Variants in ACAP2 observed in about 807,000 individuals in gnomAD.
The protein encoded by ACAP2 is ArfGAP with coiled-coil, ankyrin repeat and PH domains 2.
A neutral mutation model predicts 115.8 loss-of-function variants in ACAP2; 39 were observed. The ratio of observed to expected loss-of-function variants is 0.34; its 90% CI spans 0.26 to 0.44. The LOEUF (loss-of-function observed/expected upper bound fraction) is 0.44, where lower values mean the gene tolerates loss of function less well. ACAP2 is among the 20% of genes least tolerant of loss of function. The pLI is 1.00. For synonymous variants in ACAP2, 289 were observed against 315.8 expected (o/e 0.92, Z 0.90); for missense variants, 662 against 927.6 (o/e 0.71, Z 3.72).
At chr3:195,363,258 T>G (rs898608494) in intron 4 of ACAP2, among the ~76,000 whole-genome samples, 1 of 152,118 alleles carries the variant, frequency 6.6e-6, no homozygotes, top group African/African-American at 2.4e-5. Context: ...TCTCCACAAT[T>G]AAAACTATAA....
intron 22 of ACAP2, among the ~76,000 whole-genome samples, chr3:195,281,349 G>A (rs1236957067): frequency 1.3e-5 from 2 of 151,996 alleles, no homozygotes; most frequent in African/African-American, 4.8e-5. Context: ...AGCTTGCAGT[G>A]AGCCAAGATC....
chr3:195,290,834 AAATAAATAAATAAAT>A (rs1171769676), intron 20 of ACAP2, among the ~76,000 whole-genome samples: 2,478 of 133,736 alleles, frequency 0.019, 66 homozygotes, highest in African/African-American at 0.065. Flanking sequence ...ATAAATAAAT[AAATAAATAAATAAAT>A]AATAAATAAA....
chr3:195,399,986 C>T (rs1484522756), intron 1 of ACAP2, among the ~76,000 whole-genome samples: 1 of 151,876 alleles, frequency 6.6e-6, no homozygotes, highest in African/African-American at 2.4e-5. Flanking sequence ...CGAGAGCAGC[C>T]TGACCAACAT....
intron 8 of ACAP2, among the ~76,000 whole-genome samples, chr3:195,328,483 C>G (rs1308942162): frequency 6.6e-6 from 1 of 152,086 alleles, no homozygotes; most frequent in Non-Finnish European, 1.5e-5. Context: ...CAGGTGGCAA[C>G]TATGCTACTC....
chr3:195,365,336 T>C (rs1373181024), intron 4 of ACAP2, among the ~76,000 whole-genome samples: 1 of 152,212 alleles, frequency 6.6e-6, no homozygotes, highest in Non-Finnish European at 1.5e-5. Flanking sequence ...CCATTTACTC[T>C]GATTATTACA....
chr3:195,391,237 T>C (rs940571884), intron 2 of ACAP2, among the ~76,000 whole-genome samples: 6 of 150,308 alleles, frequency 4.0e-5, no homozygotes, highest in Non-Finnish European at 7.4e-5. Context: ...TCTTTTTTTT[T>C]TTTTTTTTTG....
rs370764337 is a variant in ACAP2, at chr3:195,345,247, C to T, written c.344+12G>A. 1.0e-5 allele frequency: 16 copies of T among 1,599,440 alleles called. No homozygotes were observed. The highest frequency in any genetic ancestry group is 1.4e-5 in the Non-Finnish European group (16 of 1,167,648). On this transcript the variant is annotated intron_variant, in intron 5 of 22. Transcript: ENST00000326793. ...AGTTAATTTTCTTTCCTCTTCACCG[C>T]AATTGACTTACTCTTTAACAAAGTT...
At chr3:195,436,741 CAA>C (rs1420557898) in intron 1 of ACAP2, among the ~76,000 whole-genome samples, 1 of 152,012 alleles carries the variant, frequency 6.6e-6, no homozygotes, top group Non-Finnish European at 1.5e-5. Context: ...AAACATATAA[CAA>C]GAGGAAATTT....
chr3:195,434,980 TCTAA>T (rs1221745891), intron 1 of ACAP2, among the ~76,000 whole-genome samples: 1 of 150,524 alleles, frequency 6.6e-6, no homozygotes, highest in Admixed American at 6.6e-5. Context: ...TCTTGGTCAC[TCTAA>T]CTAAAGATGT....
At chr3:195,302,813 G>A (rs1256940608) in intron 13 of ACAP2, among the ~76,000 whole-genome samples, 1 of 152,170 alleles carries the variant, frequency 6.6e-6, no homozygotes, top group Admixed American at 6.5e-5. Context: ...TTGGCCGAGA[G>A]CGGTGTCACC....
At chr3:195,285,463 A>C (rs973221762) in intron 22 of ACAP2, 8 of 225,590 alleles carry the variant, frequency 3.5e-5, no homozygotes, top group Middle Eastern at 1.4e-3. Context: ...TATATGAAGA[A>C]TATTTTTACC....
Position 195,351,441 on chromosome 3 carries a change from C to CGTGTGT in ACAP2, c.286-6130_286-6125dup, listed in dbSNP as rs56049053. Among the ~76,000 whole-genome samples, 740 of 130,044 alleles carry CGTGTGT rather than the reference C, an allele frequency of 5.7e-3. 4 individuals are homozygous for CGTGTGT. Among genetic ancestry groups the CGTGTGT allele is most frequent in the African/African-American group, 9.7e-3 (329 of 33,890 alleles). 85.3% of individuals were successfully genotyped at this position (130,044 alleles called of 152,430 possible). A position where few individuals can be genotyped will look rare whatever the true frequency, so the allele number is the denominator to read the frequency against. Reference sequence around the variant, plus strand: ...CAATAAATCCATATTTTTTCTTTTTCGTGTGTGTGTGTGTGTGTGTGTGTG... The same window carrying CGTGTGT: ...CAATAAATCCATATTTTTTCTTTTTCGTGTGTGTGTGTGTGTGTGTGTGTGTGTGTG... On this transcript the variant is annotated intron_variant, in intron 4 of 22. Transcript: ENST00000326793.
chr3:195,415,871 G>A (rs1036632663), intron 1 of ACAP2, among the ~76,000 whole-genome samples: 15 of 151,726 alleles, frequency 9.9e-5, no homozygotes, highest in Admixed American at 3.3e-4. Flanking sequence ...TGAAAAAAAC[G>A]CTAAAAAGGT....
At chr3:195,414,917 TA>T in intron 1 of ACAP2, among the ~76,000 whole-genome samples, 1 of 152,156 alleles carries the variant, frequency 6.6e-6, no homozygotes, top group Non-Finnish European at 1.5e-5. Context: ...CATGACATTC[TA>T]AAAAAAGACA....
intron 4 of ACAP2, among the ~76,000 whole-genome samples, chr3:195,374,801 G>A (rs558723772): frequency 7.3e-5 from 11 of 151,720 alleles, no homozygotes; most frequent in African/African-American, 2.4e-4. Flanking sequence ...TACAAGCTCC[G>A]CCTCCCGGGT....
intron 6 of ACAP2, among the ~76,000 whole-genome samples, 163 bp downstream of exon 6, chr3:195,342,308 A>G (rs1317251388): frequency 6.6e-6 from 1 of 152,248 alleles, no homozygotes; most frequent in African/African-American, 2.4e-5. Context: ...ATACACACAC[A>G]GGTACACTAA....
At chr3:195,299,272 C>T (rs1026155832) in intron 15 of ACAP2, among the ~76,000 whole-genome samples, 2 of 151,962 alleles carry the variant, frequency 1.3e-5, no homozygotes, top group East Asian at 1.9e-4. Flanking sequence ...AAGGTGGTTA[C>T]GGATTTGGAA....
chr3:195,437,257 G>T, intron 1 of ACAP2, among the ~76,000 whole-genome samples: 1 of 151,298 alleles, frequency 6.6e-6, no homozygotes. Context: ...TGCCTAGGTT[G>T]ATTTCAAACT....
At chr3:195,334,647 A>T (rs1238286384) in intron 7 of ACAP2, among the ~76,000 whole-genome samples, 2 of 152,188 alleles carry the variant, frequency 1.3e-5, no homozygotes, top group Non-Finnish European at 2.9e-5. Context: ...AAAACTGAAT[A>T]ATGAGATCAT....
Sources: gnomAD v4.1 joint callset for allele counts (sites outside exome capture counted in the v4.1 genomes callset) on GRCh38, gnomAD v4.1.1 for gene constraint, MANE v1.5 for transcripts, NCBI Gene and HGNC (gene_info 2026-07-23, HGNC 2026-07-21) for gene names.